HBEGF: variants seen among roughly 807,000 people sequenced by gnomAD.
HBEGF encodes heparin binding EGF like growth factor.
A neutral mutation model predicts 19.5 loss-of-function variants in HBEGF; 8 were observed. The observed-to-expected ratio is 0.41, with a 90% CI of 0.24 to 0.74. The LOEUF (loss-of-function observed/expected upper bound fraction) is 0.74, where lower values mean the gene tolerates loss of function less well. Among genes scored for constraint, HBEGF ranks in the 30% least tolerant of loss-of-function variants. The pLI, the probability that HBEGF is intolerant of heterozygous loss-of-function variation, is 0.32. For synonymous variants in HBEGF, 97 were observed against 108.9 expected, an observed-to-expected ratio of 0.89 and a Z score of 0.68; for missense variants, 207 against 256.9, an observed-to-expected ratio of 0.81 and a Z score of 1.33.
intron 2 of HBEGF, among the ~76,000 whole-genome samples, chr5:140,344,726 G>A (rs1766367636): frequency 6.6e-6 from 1 of 151,826 alleles, no homozygotes; most frequent in Non-Finnish European, 1.5e-5. Flanking sequence ...GAGCTTCGGG[G>A]AGAGCAAGGC....
At chr5:140,337,598 C>G (rs549649307) in intron 3 of HBEGF, among the ~76,000 whole-genome samples, 1 of 152,334 alleles carries the variant, frequency 6.6e-6, no homozygotes, top group South Asian at 2.1e-4. Flanking sequence ...GACTTGTCCA[C>G]AACCAGCAGT....
chr5:140,343,130 C>T (rs1189512169), intron 2 of HBEGF: 13 of 302,418 alleles, frequency 4.3e-5, no homozygotes, highest in Non-Finnish European at 6.8e-5. Flanking sequence ...CACCTCCACC[C>T]CACTGTCCAC....
chr5:140,346,197 C>T lies in HBEGF; in HGVS notation c.46+86G>A, dbSNP rs910316306. On this transcript the variant is annotated intron_variant, in intron 1 of 5. Coordinates refer to ENST00000230990, the MANE Select transcript of HBEGF (RefSeq NM_001945.3). This position sits in a 1 kb window ranked among gnomAD's most constrained non-coding sequence, Gnocchi z 6.1. ...AAGGGCCCCACCAAGTGGCCCGTGCCGGGTGCGCTGCGGCGACCTTCCCCC... is the reference window on the plus strand; with the variant it reads ...AAGGGCCCCACCAAGTGGCCCGTGCTGGGTGCGCTGCGGCGACCTTCCCCC... The T allele has an allele frequency of 2.8e-5, 44 of 1,554,636 alleles. No homozygotes were observed. Among genetic ancestry groups the T allele is most frequent in the Middle Eastern group, 1.7e-4 (1 of 5,878 alleles).
intron 3 of HBEGF, among the ~76,000 whole-genome samples, chr5:140,338,208 C>T (rs1766256182): frequency 1.3e-5 from 2 of 152,126 alleles, no homozygotes; most frequent in Admixed American, 1.3e-4. Flanking sequence ...TTACTCATAA[C>T]TTGAATAATA....
chr5:140,341,549 GC>G (rs2126718523), intron 3 of HBEGF, among the ~76,000 whole-genome samples: 2 of 152,338 alleles, frequency 1.3e-5, no homozygotes, highest in South Asian at 4.1e-4. Context: ...GGGTCTGTCT[GC>G]CAACTGCCAA....
chr5:140,340,409 G>A (rs990606518), intron 3 of HBEGF, among the ~76,000 whole-genome samples: 2 of 151,760 alleles, frequency 1.3e-5, no homozygotes, highest in South Asian at 2.1e-4. Context: ...GCAAAACTAC[G>A]TCTCTACTAA....
At chr5:140,342,894 T>C (rs1487206637) in intron 2 of HBEGF, 82 bp from the exon 3 acceptor site, 6 of 1,405,158 alleles carry the variant, frequency 4.3e-6, no homozygotes, top group Non-Finnish European at 6.0e-6. Flanking sequence ...GGAGTATATA[T>C]GCTTTGATTC....
chr5:140,343,794 A>G (rs891067012), intron 2 of HBEGF, among the ~76,000 whole-genome samples: 1 of 152,216 alleles, frequency 6.6e-6, no homozygotes, highest in South Asian at 2.1e-4. Context: ...AAGGGTAAGC[A>G]TGATACGTTA....
At chr5:140,340,701 A>G (rs1238816474) in intron 3 of HBEGF, among the ~76,000 whole-genome samples, 1 of 152,148 alleles carries the variant, frequency 6.6e-6, no homozygotes, top group African/African-American at 2.4e-5. Flanking sequence ...TAGACTAGTA[A>G]AAGAATAAGA....
At position 140,342,617 on chromosome 5, in the gene HBEGF, T is replaced by G. The variant is rs1453088259; in HGVS notation, c.398+18A>C. 1 of 1,612,774 alleles carries G rather than the reference T, an allele frequency of 6.2e-7. No individual in the cohort carries two copies. Among genetic ancestry groups the G allele is most frequent in the Non-Finnish European group, 8.5e-7 (1 of 1,179,082 alleles). The stretch of plus-strand genomic sequence containing the variant: ...AAAGTGTGCTGATGAGATTCAGCCC[T>G]GGGGAAGGGGCACTTACATGCAGGA... On this transcript the variant is annotated intron_variant, in intron 3 of 5. Transcript: ENST00000230990.
In HBEGF at chr5:140,346,412, G is replaced by A. The variant is rs1374529611; in HGVS notation, c.-84C>T. ...GGCGCTGGCACCAGAGCTGGGCGGC[G>A]GAGCTCAGGAGATTCCGCCGGGCAC... On this transcript the variant is annotated 5_prime_UTR_variant, in exon 1 of 6. Transcript: ENST00000230990. The surrounding 1 kb of genome is among the most constrained non-coding windows in gnomAD (Gnocchi z 6.1). The A allele has an allele frequency of 2.1e-5, 30 of 1,456,994 alleles. No individual in the cohort carries two copies. The highest frequency in any genetic ancestry group is 2.5e-5 in the Non-Finnish European group (27 of 1,067,468). The allele number at this position is 1,456,994 out of a possible 1,614,324, so 90.3% of individuals were successfully genotyped here. A position where few individuals can be genotyped will look rare whatever the true frequency, so the allele number is the denominator to read the frequency against.
In HBEGF at chr5:140,336,040, A is replaced by C. The variant is rs945695328; in HGVS notation, c.399-13T>G. The C allele has an allele frequency of 1.9e-6, 3 of 1,612,270 alleles. No homozygotes were observed. In the African/African-American group the frequency reaches 4.0e-5, roughly 22 times the overall value. On this transcript the variant is annotated splice_polypyrimidine_tract_variant and intron_variant, in intron 3 of 5. Coordinates refer to ENST00000230990, the MANE Select transcript of HBEGF (RefSeq NM_001945.3). Reference sequence around the variant, plus strand: ...ACCCGGGTGGCAGCTAGTTCAAGACAGAACAAGAAGGAGATGGAGTTAGTG... The same window carrying C: ...ACCCGGGTGGCAGCTAGTTCAAGACCGAACAAGAAGGAGATGGAGTTAGTG...
Position 140,346,024 on chromosome 5 carries a change from C to A in HBEGF, c.107G>T (p.Gly36Val), listed in dbSNP as rs1375381137. Residue 36 changes from glycine (G) to valine (V), a missense_variant, in exon 2 of 6, where the codon GGA becomes GTA. By Grantham distance (109) the Gly-to-Val change is moderately radical (BLOSUM62 -3). Coordinates refer to ENST00000230990, the MANE Select transcript of HBEGF (RefSeq NM_001945.3). The surrounding 1 kb of genome is among the most constrained non-coding windows in gnomAD (Gnocchi z 6.1). Reference sequence around the variant, plus strand: ...AGTGGGAGGGTCCGGGTTGCTGGTTCCAGCAGCTAGCCCTCTCCGAAGCCG... The same window carrying A: ...AGTGGGAGGGTCCGGGTTGCTGGTTACAGCAGCTAGCCCTCTCCGAAGCCG... The part of the protein sequence containing the change: ...LERLRRGLAA[G>V]TSNPDPPTVS... 1 of 1,613,960 alleles carries A rather than the reference C, an allele frequency of 6.2e-7. No homozygotes were observed. Among genetic ancestry groups the A allele is most frequent in the Non-Finnish European group, 8.5e-7 (1 of 1,179,994 alleles).
chr5:140,341,662 G>A lies in HBEGF; in HGVS notation c.398+973C>T, dbSNP rs4150217. On this transcript the variant is annotated intron_variant, in intron 3 of 5. Transcript: ENST00000230990. ...CAGTAGAAGGGATGCCAGGCACGCC[G>A]CCTTCTTGACAGGCTGGAGGCAGTG... is the stretch of plus-strand genomic sequence containing the variant. Among the ~76,000 whole-genome samples, 464 of 152,328 alleles carry A rather than the reference G, an allele frequency of 3.0e-3. 3 individuals carry two copies. Among genetic ancestry groups the A allele is most frequent in the Middle Eastern group, 0.014 (4 of 294 alleles).
rs1766333430 is a variant in HBEGF, at chr5:140,342,743, T to C, written c.290A>G (p.Lys97Arg). 6.2e-7 allele frequency: 1 copy of C among 1,614,234 alleles called. No individual in the cohort carries two copies. The highest frequency in any genetic ancestry group is 8.5e-7 in the Non-Finnish European group (1 of 1,180,042). Reference protein sequence around the residue: ...NKEEHGKRKKKGKGLGKKRDP... With the variant: ...NKEEHGKRKKRGKGLGKKRDP... ...CCTCTTCTTCCCTAGCCCCTTGCCT[T>C]TCTTCTTTCTTTTCCCGTGCTCCTC... The change falls in exon 3 of 6, where the codon AAA (lysine) becomes AGA (arginine). Residue 97 changes from lysine to arginine, a missense_variant. By Grantham distance (26) the Lys-to-Arg change is conservative (BLOSUM62 2). Transcript: ENST00000230990.
At chr5:140,336,417 G>A (rs2126716401) in intron 3 of HBEGF, among the ~76,000 whole-genome samples, 1 of 152,354 alleles carries the variant, frequency 6.6e-6, no homozygotes, top group South Asian at 2.1e-4. Flanking sequence ...AGAGCTGGTA[G>A]GCTAAATTGA....
chr5:140,334,931 G>T, intron 4 of HBEGF, 183 bp from the exon 5 acceptor site: 1 of 616,712 alleles, frequency 1.6e-6, no homozygotes, highest in Non-Finnish European at 2.9e-6. Context: ...GTCTCTAATA[G>T]CAGGATGCAA....
rs1454105547 is a variant in HBEGF, at chr5:140,346,398, CAG to C, written c.-72_-71del. On this transcript the variant is annotated 5_prime_UTR_variant, in exon 1 of 6. Coordinates refer to ENST00000230990, the MANE Select transcript of HBEGF (RefSeq NM_001945.3). This position sits in a 1 kb window ranked among gnomAD's most constrained non-coding sequence, Gnocchi z 6.1. Reference sequence around the variant, plus strand: ...AGCGGCGGCCACTGGGCGCTGGCACCAGAGCTGGGCGGCGGAGCTCAGGAGAT... The same window carrying C: ...AGCGGCGGCCACTGGGCGCTGGCACCAGCTGGGCGGCGGAGCTCAGGAGAT... The C allele has an allele frequency of 3.3e-6, 5 of 1,527,294 alleles. No homozygotes were observed. The highest frequency in any genetic ancestry group is 4.4e-6 in the Non-Finnish European group (5 of 1,124,814). The allele number at this position is 1,527,294 out of a possible 1,614,324, so 94.6% of individuals were successfully genotyped here. A position where few individuals can be genotyped will look rare whatever the true frequency, so the allele number is the denominator to read the frequency against.
At chr5:140,343,257 CA>C (rs1766343417) in intron 2 of HBEGF, among the ~76,000 whole-genome samples, 1 of 152,218 alleles carries the variant, frequency 6.6e-6, no homozygotes, top group African/African-American at 2.4e-5. Flanking sequence ...GTGTCACACA[CA>C]AAAATTGCTT....
Sources: allele counts gnomAD v4.1 joint callset (sites outside exome capture counted in the v4.1 genomes callset), GRCh38; gene constraint gnomAD v4.1.1; non-coding constraint Gnocchi (gnomAD v3.1); transcripts MANE v1.5; gene names NCBI Gene and HGNC (gene_info 2026-07-23, HGNC 2026-07-21).